TNRC6B: variants seen among roughly 807,000 people sequenced by gnomAD.
TNRC6B encodes trinucleotide repeat-containing gene 6B protein.
Under a neutral mutation model 203.6 loss-of-function variants are expected in TNRC6B, and 52 were observed. The observed-to-expected ratio is 0.26, with a 90% CI of 0.20 to 0.32. The LOEUF (loss-of-function observed/expected upper bound fraction) is 0.32. Among genes scored for constraint, TNRC6B ranks in the 10% least tolerant of loss-of-function variants. The probability of loss-of-function intolerance (pLI) is 1.00; values close to 1 mark genes in which losing one functional copy is unlikely to be tolerated. For synonymous variants in TNRC6B, 838 were observed against 845.7 expected (o/e 0.99, Z 0.16); for missense variants, 1,923 against 2,286.2 (o/e 0.84, Z 3.24).
At chr22:40,085,056 T>C (rs1439194936) in intron 1 of TNRC6B, among the ~76,000 whole-genome samples, 3 of 152,196 alleles carry the variant, frequency 2.0e-5, no homozygotes, top group African/African-American at 7.2e-5. Flanking sequence ...GAGCACTTGC[T>C]CTGAGGGAAG....
At chr22:40,135,291 C>T (rs2068590223) in intron 3 of TNRC6B, among the ~76,000 whole-genome samples, 1 of 152,086 alleles carries the variant, frequency 6.6e-6, no homozygotes, top group Non-Finnish European at 1.5e-5. Context: ...AGAAACAGAC[C>T]CCACCTTTCA....
chr22:40,314,519 G>A (rs866047101), intron 19 of TNRC6B, among the ~76,000 whole-genome samples: 2 of 152,238 alleles, frequency 1.3e-5, no homozygotes, highest in South Asian at 4.1e-4. Context: ...TACACAGAGA[G>A]TTTATGTTGA....
chr22:40,257,302 A>G (rs772803901), intron 3 of TNRC6B, among the ~76,000 whole-genome samples: 1 of 152,170 alleles, frequency 6.6e-6, no homozygotes, highest in Non-Finnish European at 1.5e-5. Flanking sequence ...ATCTAATTGG[A>G]GTTTTCAGAA....
chr22:40,090,399 TTG>T (rs1364128375), intron 1 of TNRC6B, among the ~76,000 whole-genome samples: 7 of 128,348 alleles, frequency 5.5e-5, no homozygotes, highest in South Asian at 2.3e-4. Flanking sequence ...TGGCATCTCA[TTG>T]TTTTTTTTTT....
At chr22:40,075,156 A>ATATATATT in intron 1 of TNRC6B, among the ~76,000 whole-genome samples, 12 of 35,558 alleles carry the variant, frequency 3.4e-4, no homozygotes, top group East Asian at 7.5e-4. Flanking sequence ...ATATATATAT[A>ATATATATT]TTTTTTTTTT....
intron 2 of TNRC6B, among the ~76,000 whole-genome samples, chr22:40,123,473 C>T (rs1195219965): frequency 6.6e-6 from 1 of 152,200 alleles, no homozygotes; most frequent in Non-Finnish European, 1.5e-5. Flanking sequence ...GAAGAAACAA[C>T]CACTGCCATC....
chr22:40,210,857 T>G (rs975132087), intron 1 of TNRC6B, among the ~76,000 whole-genome samples: 1 of 152,194 alleles, frequency 6.6e-6, no homozygotes, highest in East Asian at 1.9e-4. Context: ...TTCTTTGTTG[T>G]GGGGGCCATC....
chr22:40,311,686 C>T (rs1283270591), intron 17 of TNRC6B, among the ~76,000 whole-genome samples: 3 of 152,068 alleles, frequency 2.0e-5, no homozygotes, highest in East Asian at 1.9e-4. Context: ...GGATTACAGG[C>T]GCCTGCTACC....
chr22:40,222,395 C>G (rs1211348129), intron 1 of TNRC6B, among the ~76,000 whole-genome samples: 1 of 152,096 alleles, frequency 6.6e-6, no homozygotes, highest in Admixed American at 6.5e-5. Context: ...GGAATGCAGT[C>G]CAGGCAGGGA....
chr22:40,278,282 G>A (rs752935337), intron 9 of TNRC6B, among the ~76,000 whole-genome samples: 7 of 151,516 alleles, frequency 4.6e-5, no homozygotes, highest in Admixed American at 2.6e-4. Context: ...GGACGAGGCC[G>A]GGCATGGTGG....
At chr22:40,167,181 C>A (rs1381155458) in intron 4 of TNRC6B, among the ~76,000 whole-genome samples, 2 of 152,118 alleles carry the variant, frequency 1.3e-5, no homozygotes, top group African/African-American at 4.8e-5. Flanking sequence ...TTTATGAAAA[C>A]CACATAAATT....
At chr22:40,318,385 A>C (rs901604358) in intron 21 of TNRC6B, among the ~76,000 whole-genome samples, 15 of 152,102 alleles carry the variant, frequency 9.9e-5, no homozygotes, top group African/African-American at 3.6e-4. Context: ...ATCTTTACTA[A>C]AAATACAAAA....
At chr22:40,312,872 G>A (rs1244610340) in intron 18 of TNRC6B, 30 bp from the exon 19 acceptor site, 12 of 1,593,620 alleles carry the variant, frequency 7.5e-6, no homozygotes, top group Non-Finnish European at 9.5e-6. Context: ...TTTATCTTCA[G>A]TATTTTCTTC....
intron 1 of TNRC6B, among the ~76,000 whole-genome samples, chr22:40,223,855 G>T (rs1368211145): frequency 6.6e-6 from 1 of 152,224 alleles, no homozygotes; most frequent in African/African-American, 2.4e-5. Flanking sequence ...CCCGTACAGA[G>T]ATTGCACCCG....
chr22:40,117,252 G>A (rs1483595902), intron 2 of TNRC6B: 1 of 152,300 alleles, frequency 6.6e-6, no homozygotes, highest in Non-Finnish European at 1.5e-5. Flanking sequence ...TTTTTAAGGT[G>A]ACCATCATAC....
upstream of TNRC6B, chr22:40,177,783 C>T: frequency 8.1e-7 from 1 of 1,235,982 alleles, no homozygotes; most frequent in South Asian, 3.1e-5. Context: ...AACAGCATTT[C>T]ACAAATGAAA....
At chr22:40,169,621 A>G (rs1025107329) in intron 4 of TNRC6B, among the ~76,000 whole-genome samples, 1 of 152,162 alleles carries the variant, frequency 6.6e-6, no homozygotes, top group Non-Finnish European at 1.5e-5. Flanking sequence ...AGATGGCCAC[A>G]GTGGCTTTCC....
rs539296140 is a variant in TNRC6B, at chr22:40,138,686, C to T, written c.45+12824C>T. 2.6e-5 allele frequency among the ~76,000 whole-genome samples: 4 copies of T among 152,110 alleles called. No homozygotes were observed. In the East Asian group the frequency reaches 5.8e-4, roughly 22 times the overall value. ...AGTAGAGAGAGAGGACATCAAGATA[C>T]GTATTAGGAGTTCTCAGCATATAGG... On this transcript the variant is annotated intron_variant, in intron 3 of 23. Transcript: ENST00000301923.
intron 1 of TNRC6B, among the ~76,000 whole-genome samples, chr22:40,222,483 T>C (rs1601896666): frequency 6.6e-6 from 1 of 152,206 alleles, no homozygotes; most frequent in Non-Finnish European, 1.5e-5. Flanking sequence ...AATCCTAGGG[T>C]CCCTGTGGCA....
Sources: allele counts gnomAD v4.1 joint callset (sites outside exome capture counted in the v4.1 genomes callset), GRCh38; gene constraint gnomAD v4.1.1; transcripts MANE v1.5; gene names NCBI Gene and HGNC (gene_info 2026-07-23, HGNC 2026-07-21).